HIP1: variants seen among roughly 807,000 people sequenced by gnomAD.
HIP1 encodes the protein huntingtin interacting protein 1.
Under a neutral mutation model 147.6 loss-of-function variants are expected in HIP1, and 65 were observed. That is an observed-to-expected ratio of 0.44 (90% CI 0.36 to 0.54). The LOEUF is 0.54. Among genes scored for constraint, HIP1 ranks in the 20% least tolerant of loss-of-function variants. The pLI, the probability that HIP1 is intolerant of heterozygous loss-of-function variation, is 0.00. For missense variants in HIP1, 1,061 were observed against 1,299.6 expected (o/e 0.82, Z 2.82); for synonymous variants, 479 against 504.0 (o/e 0.95, Z 0.67).
intron 1 of HIP1, among the ~76,000 whole-genome samples, chr7:75,644,532 T>A (rs183838600): frequency 6.6e-6 from 1 of 152,200 alleles, no homozygotes; most frequent in African/African-American, 2.4e-5. Flanking sequence ...TGACCTCAGG[T>A]GATCCGCCTG....
At chr7:75,708,513 G>A (rs113778830) in intron 1 of HIP1, among the ~76,000 whole-genome samples, 1,732 of 152,124 alleles carry the variant, frequency 0.011, 42 homozygotes, top group African/African-American at 0.039. Flanking sequence ...GATCAATTTT[G>A]AGTTAATGTT....
intron 1 of HIP1, among the ~76,000 whole-genome samples, chr7:75,619,741 A>G (rs1364737965): frequency 1.3e-5 from 2 of 152,146 alleles, no homozygotes; most frequent in South Asian, 4.1e-4. Context: ...CTTAAATAGC[A>G]ATCTCCGTTA....
chr7:75,597,554 A>T (rs1374171622), intron 2 of HIP1, among the ~76,000 whole-genome samples: 1 of 152,126 alleles, frequency 6.6e-6, no homozygotes, highest in Non-Finnish European at 1.5e-5. Flanking sequence ...AGCCTGAGCA[A>T]CATGGCAAAA....
At chr7:75,622,478 A>T (rs587748767) in intron 1 of HIP1, among the ~76,000 whole-genome samples, 18 of 151,824 alleles carry the variant, frequency 1.2e-4, no homozygotes, top group Admixed American at 2.6e-4. Flanking sequence ...AGGAAGGAGG[A>T]TTGCTTGAGC....
At chr7:75,629,835 C>G (rs1232398949) in intron 1 of HIP1, among the ~76,000 whole-genome samples, 3 of 152,172 alleles carry the variant, frequency 2.0e-5, no homozygotes, top group Non-Finnish European at 4.4e-5. Flanking sequence ...AGCCACTGCG[C>G]CCGGCCTGCT....
intron 1 of HIP1, among the ~76,000 whole-genome samples, chr7:75,628,526 C>T (rs1798115935): frequency 6.8e-6 from 1 of 147,686 alleles, no homozygotes; most frequent in African/African-American, 2.5e-5. Flanking sequence ...TCACCCAGGC[C>T]AGACTGTAGT....
intron 1 of HIP1, among the ~76,000 whole-genome samples, chr7:75,633,768 A>G (rs1798322827): frequency 6.6e-6 from 1 of 152,112 alleles, no homozygotes. Context: ...CAACCCAGCA[A>G]ATACATGTGA....
intron 1 of HIP1, among the ~76,000 whole-genome samples, chr7:75,662,178 TTTTG>T (rs1224379414): frequency 5.9e-5 from 9 of 151,954 alleles, no homozygotes; most frequent in Admixed American, 2.0e-4. Flanking sequence ...TCTCCACTAT[TTTTG>T]TTTGTTTGTT....
chr7:75,548,933 C>T lies in HIP1; in HGVS notation c.2364G>A (p.Ala788=), dbSNP rs201741651. ...CAGTTTCAATAGCAGCTGAAGTGGC[C>T]GCCATCTCCTTGTCCACCAGGTCCC... is the stretch of plus-strand genomic sequence containing the variant. The part of the protein sequence containing the change: ...ELGDLVDKEM[A]ATSAAIETAT... Residue 788 remains alanine (A), a synonymous_variant, in exon 23 of 31, where the codon GCG becomes GCA. Coordinates refer to ENST00000336926, the MANE Select transcript of HIP1 (RefSeq NM_005338.7). 39 of 1,613,958 alleles carry T rather than the reference C, an allele frequency of 2.4e-5. No homozygotes were observed. Among genetic ancestry groups the T allele is most frequent in the Middle Eastern group, 1.6e-4 (1 of 6,084 alleles).
chr7:75,559,620 A>C, intron 14 of HIP1, 112 bp downstream of exon 14: 1 of 878,626 alleles, frequency 1.1e-6, no homozygotes, highest in Non-Finnish European at 1.7e-6. Context: ...TGTTTCTAGA[A>C]AGACAGTCTG....
At position 75,593,842 on chromosome 7, in the gene HIP1, G is replaced by A. The variant is rs931275811; in HGVS notation, c.185-1328C>T. On this transcript the variant is annotated intron_variant, in intron 2 of 30. Coordinates refer to ENST00000336926, the MANE Select transcript of HIP1 (RefSeq NM_005338.7). ...TAAACCTCAACACCCCACTTCTTCCGTAAACCCACCTGGCCCTGTTCAGGG... is the reference window on the plus strand; with the variant it reads ...TAAACCTCAACACCCCACTTCTTCCATAAACCCACCTGGCCCTGTTCAGGG... Among the ~76,000 whole-genome samples, 9 of 151,810 alleles carry A rather than the reference G, an allele frequency of 5.9e-5. No homozygotes were observed. The South Asian group carries it at 1.7e-3, about 28-fold the overall frequency.
chr7:75,687,730 C>G (rs144193522), intron 1 of HIP1, among the ~76,000 whole-genome samples: 33 of 152,234 alleles, frequency 2.2e-4, no homozygotes, highest in African/African-American at 7.7e-4. Flanking sequence ...AAAAACTCAT[C>G]TGGCTCTTGC....
At chr7:75,732,387 C>T (rs192447412) in intron 1 of HIP1, among the ~76,000 whole-genome samples, 50 of 151,952 alleles carry the variant, frequency 3.3e-4, no homozygotes, top group Non-Finnish European at 5.7e-4. Context: ...GTTGTTTTTC[C>T]TTTTACAGGG....
At chr7:75,699,070 C>T (rs1180102426) in intron 1 of HIP1, among the ~76,000 whole-genome samples, 1 of 151,868 alleles carries the variant, frequency 6.6e-6, no homozygotes, top group Admixed American at 6.6e-5. Flanking sequence ...AATACATTAG[C>T]AGATATGCAG....
chr7:75,551,016 A>C (rs1026185187), intron 22 of HIP1, among the ~76,000 whole-genome samples: 13 of 152,146 alleles, frequency 8.5e-5, no homozygotes, highest in African/African-American at 3.1e-4. Flanking sequence ...ATATTCACAC[A>C]ATAGATAATG....
intron 2 of HIP1, among the ~76,000 whole-genome samples, chr7:75,593,127 C>T (rs1199829416): frequency 1.3e-5 from 2 of 152,070 alleles, no homozygotes; most frequent in African/African-American, 4.8e-5. Flanking sequence ...CACCACTGTG[C>T]CTGGCTAATT....
At chr7:75,664,596 GGAGAGA>G (rs145351179) in intron 1 of HIP1, among the ~76,000 whole-genome samples, 5 of 115,210 alleles carry the variant, frequency 4.3e-5, no homozygotes, top group East Asian at 5.8e-4. Context: ...ATATGTATAG[GGAGAGA>G]GAGAGAGAGA....
chr7:75,678,045 C>T (rs1270063747), intron 1 of HIP1, among the ~76,000 whole-genome samples: 2 of 152,172 alleles, frequency 1.3e-5, no homozygotes, highest in Admixed American at 1.3e-4. Context: ...AATATGGCAT[C>T]GTATCATAGA....
intron 1 of HIP1, among the ~76,000 whole-genome samples, chr7:75,667,918 A>T (rs1177507559): frequency 6.6e-6 from 1 of 152,238 alleles, no homozygotes; most frequent in Non-Finnish European, 1.5e-5. Context: ...GATTTTATAA[A>T]ACAGACATCT....
Sources: allele counts gnomAD v4.1 joint callset (sites outside exome capture counted in the v4.1 genomes callset), GRCh38; gene constraint gnomAD v4.1.1; transcripts MANE v1.5; gene names NCBI Gene and HGNC (gene_info 2026-07-23, HGNC 2026-07-21).